MAMLD1: variants seen among roughly 807,000 people sequenced by gnomAD.
MAMLD1 encodes mastermind like domain containing 1.
MAMLD1 carries 14 observed loss-of-function variants against 45.0 expected under a neutral mutation model. The ratio of observed to expected loss-of-function variants is 0.31; its 90% confidence interval spans 0.21 to 0.49. The LOEUF (loss-of-function observed/expected upper bound fraction) is 0.49, where lower values mean the gene tolerates loss of function less well. Among genes scored for constraint, MAMLD1 ranks in the 20% least tolerant of loss-of-function variants. The pLI is 0.99. For missense variants in MAMLD1, 543 were observed against 603.6 expected, an observed-to-expected ratio of 0.90 and a Z score of 1.05; for synonymous variants, 254 against 247.8, an observed-to-expected ratio of 1.02 and a Z score of -0.24.
intron 2 of MAMLD1, among the ~76,000 whole-genome samples, chrX:150,458,160 A>G: frequency 9.0e-6 from 1 of 111,186 alleles, no homozygotes; most frequent in Middle Eastern, 4.6e-3. Flanking sequence ...TTCAATAAGC[A>G]TGTGACCCCT....
At chrX:150,455,470 A>G (rs1412235329) in intron 2 of MAMLD1, among the ~76,000 whole-genome samples, 1 of 111,992 alleles carries the variant, frequency 8.9e-6, no homozygotes, top group African/African-American at 3.3e-5. Flanking sequence ...ATGTGTTTGC[A>G]TTTTCAAGAG....
At chrX:150,412,104 A>G (rs2034137573) in intron 1 of MAMLD1, among the ~76,000 whole-genome samples, 1 of 111,999 alleles carries the variant, frequency 8.9e-6, no homozygotes, top group Non-Finnish European at 1.9e-5. Context: ...AGAAGAGAGA[A>G]GTCCATGTGT....
intron 3 of MAMLD1, among the ~76,000 whole-genome samples, chrX:150,467,214 G>C (rs1441043929): frequency 8.9e-6 from 1 of 112,240 alleles, no homozygotes; most frequent in African/African-American, 3.2e-5. Flanking sequence ...GGAGAATGTA[G>C]AAGAGACACA....
intron 1 of MAMLD1, among the ~76,000 whole-genome samples, chrX:150,391,723 A>G (rs967110766): frequency 9.0e-6 from 1 of 111,394 alleles, no homozygotes. Context: ...GATCATCTTT[A>G]CTCATTCATT....
At chrX:150,482,957 G>T (rs189128428) in intron 5 of MAMLD1, among the ~76,000 whole-genome samples, 40 of 112,445 alleles carry the variant, frequency 3.6e-4, no homozygotes, top group African/African-American at 1.3e-3. Flanking sequence ...ATATCTGCAA[G>T]TCTGGAAACA....
intron 1 of MAMLD1, among the ~76,000 whole-genome samples, chrX:150,378,412 T>G (rs2032435325): frequency 8.9e-6 from 1 of 112,182 alleles, no homozygotes; most frequent in Non-Finnish European, 1.9e-5. Context: ...CTGCCAGATA[T>G]CTCCACTGTC....
intron 6 of MAMLD1, among the ~76,000 whole-genome samples, chrX:150,506,009 G>A (rs1396155925): frequency 1.8e-5 from 2 of 112,723 alleles, no homozygotes; most frequent in Non-Finnish European, 3.8e-5. Flanking sequence ...GTGGTCCCAT[G>A]CAGTATACTA....
intron 1 of MAMLD1, among the ~76,000 whole-genome samples, chrX:150,389,839 C>G (rs1356473717): frequency 8.9e-6 from 1 of 111,967 alleles, no homozygotes; most frequent in Non-Finnish European, 1.9e-5. Flanking sequence ...CATCTAGGAC[C>G]ATTATGTTTT....
chrX:150,482,024 GA>G (rs1276430352), intron 5 of MAMLD1, among the ~76,000 whole-genome samples: 8 of 106,649 alleles, frequency 7.5e-5, no homozygotes, highest in African/African-American at 2.8e-4. Context: ...AAGAAAGAAA[GA>G]AAGAAAGAAT....
At chrX:150,418,169 G>C (rs1313211348) in intron 1 of MAMLD1, among the ~76,000 whole-genome samples, 3 of 111,957 alleles carry the variant, frequency 2.7e-5, no homozygotes, top group African/African-American at 9.8e-5. Context: ...ACTCTTGGGA[G>C]AGTGTATGTG....
At chrX:150,509,688 T>A (rs1164432234) in intron 6 of MAMLD1, 1 of 366,162 alleles carries the variant, frequency 2.7e-6, no homozygotes, top group Admixed American at 4.6e-5. Flanking sequence ...TGCCTAAAAC[T>A]TTTTTCTGTG....
At chrX:150,503,171 A>G in intron 5 of MAMLD1, 103 bp from the exon 6 acceptor site, 1 of 737,530 alleles carries the variant, frequency 1.4e-6, no homozygotes, top group South Asian at 2.1e-5. Context: ...GGGTATAACC[A>G]CAACACCCAG....
intron 1 of MAMLD1, among the ~76,000 whole-genome samples, chrX:150,395,824 T>C (rs944600042): frequency 1.8e-5 from 2 of 110,884 alleles, no homozygotes; most frequent in African/African-American, 6.5e-5. Flanking sequence ...TCTCTTTTTT[T>C]CCTTAGCTTT....
chrX:150,477,710 A>G (rs2036623514), intron 5 of MAMLD1, among the ~76,000 whole-genome samples: 1 of 111,503 alleles, frequency 9.0e-6, no homozygotes, highest in South Asian at 3.8e-4. Context: ...CTGAATAACA[A>G]ATGCAACCAC....
At chrX:150,366,219 C>T (rs782694052) in intron 1 of MAMLD1, among the ~76,000 whole-genome samples, 1 of 112,093 alleles carries the variant, frequency 8.9e-6, no homozygotes, top group South Asian at 3.8e-4. Flanking sequence ...TTTATTTGTG[C>T]CTTTTTGCAT....
intron 1 of MAMLD1, among the ~76,000 whole-genome samples, chrX:150,417,160 C>T (rs868923818): frequency 9.1e-6 from 1 of 110,273 alleles, no homozygotes; most frequent in Non-Finnish European, 1.9e-5. Context: ...TCCCTCCCCC[C>T]TACCCCACCC....
intron 5 of MAMLD1, among the ~76,000 whole-genome samples, chrX:150,496,282 T>A (rs782213102): frequency 1.5e-4 from 17 of 112,392 alleles, no homozygotes; most frequent in Non-Finnish European, 3.0e-4. Context: ...TTTGTAGTAT[T>A]TGCGGTTAAG....
chrX:150,442,835 G>A (rs782778974), intron 1 of MAMLD1, among the ~76,000 whole-genome samples: 1 of 111,337 alleles, frequency 9.0e-6, no homozygotes, highest in African/African-American at 3.3e-5. Context: ...TCTTTGTAGA[G>A]GCATATTGTT....
intron 1 of MAMLD1, among the ~76,000 whole-genome samples, chrX:150,397,053 A>G (rs1191288636): frequency 8.9e-6 from 1 of 112,297 alleles, no homozygotes; most frequent in Non-Finnish European, 1.9e-5. Flanking sequence ...TTGCAAGTGT[A>G]TAGTTCAGTA....
Sources: allele counts gnomAD v4.1 joint callset (sites outside exome capture counted in the v4.1 genomes callset), GRCh38; gene constraint gnomAD v4.1.1; transcripts MANE v1.5; gene names NCBI Gene and HGNC (gene_info 2026-07-23, HGNC 2026-07-21).